Variants in SH3PXD2A observed in about 807,000 individuals in gnomAD.
SH3PXD2A encodes the protein SH3 and PX domains 2A, also known as SH3 and PX domain-containing protein 2A.
In SH3PXD2A, 32 loss-of-function variants were observed where a neutral mutation model predicts 115.2. The ratio of observed to expected loss-of-function variants is 0.28; its 90% CI spans 0.21 to 0.37. The LOEUF is 0.37. Among genes scored for constraint, SH3PXD2A ranks in the 10% least tolerant of loss-of-function variants. The pLI, the probability that SH3PXD2A is intolerant of heterozygous loss-of-function variation, is 1.00. For synonymous variants in SH3PXD2A, 610 were observed against 629.1 expected (o/e 0.97, Z 0.45); for missense variants, 1,328 against 1,498.7 (o/e 0.89, Z 1.88).
chr10:103,778,848 GGCTGTTGA>G (rs2038905798), intron 2 of SH3PXD2A, among the ~76,000 whole-genome samples: 2 of 152,146 alleles, frequency 1.3e-5, no homozygotes, highest in South Asian at 4.1e-4. Flanking sequence ...CTCATCCTAA[GGCTGTTGA>G]GCTTTGTCCC....
chr10:103,739,755 A>G (rs2038423175), intron 3 of SH3PXD2A, among the ~76,000 whole-genome samples: 1 of 152,228 alleles, frequency 6.6e-6, no homozygotes, highest in South Asian at 2.1e-4. Flanking sequence ...GGCATGAGAC[A>G]GACCTAACTC....
chr10:103,803,878 T>A (rs910827873), intron 1 of SH3PXD2A, among the ~76,000 whole-genome samples: 2 of 152,176 alleles, frequency 1.3e-5, no homozygotes, highest in African/African-American at 2.4e-5. Context: ...GGAAATACAA[T>A]ACATCAATCA....
chr10:103,617,305 T>C lies in SH3PXD2A; in HGVS notation c.812A>G (p.Tyr271Cys). 1 of 1,613,090 alleles carries C rather than the reference T, an allele frequency of 6.2e-7. No homozygotes were observed. The change falls in exon 11 of 15, where the codon TAT (tyrosine) becomes TGT (cysteine). Residue 271 changes from tyrosine (Y) to cysteine (C), a missense_variant. Physicochemically the swap from Tyr to Cys is radical, Grantham distance 194. Coordinates refer to ENST00000369774, the MANE Select transcript of SH3PXD2A (RefSeq NM_001394015.1). ...VNRQHSREEK[Y>C]VTVQPYTSQS... is the part of the protein sequence containing the mutation. ...GCTGGTGTAAGGCTGCACGGTGACATACTTCTCCTCTGGGGGTGGGAGCAA... is the reference window on the plus strand; with the variant it reads ...GCTGGTGTAAGGCTGCACGGTGACACACTTCTCCTCTGGGGGTGGGAGCAA...
chr10:103,631,788 T>C (rs2036783432), intron 8 of SH3PXD2A, among the ~76,000 whole-genome samples: 1 of 152,174 alleles, frequency 6.6e-6, no homozygotes, highest in South Asian at 2.1e-4. Context: ...TCTTGAAAGC[T>C]GAGGCTCTCA....
At chr10:103,658,181 G>A (rs1009279942) in intron 8 of SH3PXD2A, among the ~76,000 whole-genome samples, 2 of 152,182 alleles carry the variant, frequency 1.3e-5, no homozygotes, top group Middle Eastern at 3.2e-3. Flanking sequence ...AGCACAGAGG[G>A]GCTCTGATGA....
intron 1 of SH3PXD2A, 122 bp from the exon 2 acceptor site, chr10:103,801,484 G>C (rs2039146061): frequency 3.2e-6 from 2 of 633,280 alleles, no homozygotes; most frequent in Non-Finnish European, 5.8e-6. Flanking sequence ...CATCTCATCT[G>C]TCCCTAGGGG....
intron 3 of SH3PXD2A, among the ~76,000 whole-genome samples, chr10:103,747,741 G>C (rs900495776): frequency 6.6e-5 from 10 of 152,212 alleles, no homozygotes; most frequent in Non-Finnish European, 1.5e-4. Context: ...GGCCAGGCCA[G>C]CCACAGGGGA....
intron 3 of SH3PXD2A, chr10:103,754,600 G>A (rs2134209311): frequency 6.6e-6 from 1 of 152,292 alleles, no homozygotes; most frequent in Non-Finnish European, 1.5e-5. Flanking sequence ...TCTTGGAAGG[G>A]AGGGGAGAGA....
At chr10:103,661,813 G>C in intron 7 of SH3PXD2A, 6 of 985,246 alleles carry the variant, frequency 6.1e-6, no homozygotes, top group Non-Finnish European at 7.2e-6. Context: ...ATGAGGAGCC[G>C]GGGGTGGAGG....
chr10:103,834,671 T>C (rs2134308191), intron 1 of SH3PXD2A, among the ~76,000 whole-genome samples: 1 of 152,374 alleles, frequency 6.6e-6, no homozygotes. Context: ...AAGCACCTGC[T>C]GTCTCTGGTA....
At chr10:103,819,449 C>T (rs1398130596) in intron 1 of SH3PXD2A, among the ~76,000 whole-genome samples, 2 of 152,062 alleles carry the variant, frequency 1.3e-5, no homozygotes, top group Non-Finnish European at 2.9e-5. Flanking sequence ...ATGACACAGC[C>T]TGAGTTCCCT....
chr10:103,691,652 GCA>G (rs1392705184), intron 6 of SH3PXD2A, among the ~76,000 whole-genome samples: 1 of 152,028 alleles, frequency 6.6e-6, no homozygotes, highest in African/African-American at 2.4e-5. Context: ...ATAGGCAAGT[GCA>G]CACACACCTC....
At chr10:103,662,477 GCAAGCTCCGCTTC>G (rs2037326692) in intron 7 of SH3PXD2A, among the ~76,000 whole-genome samples, 1 of 132,386 alleles carries the variant, frequency 7.6e-6, no homozygotes, top group Non-Finnish European at 1.5e-5. Context: ...TCAGCTCACT[GCAAGCTCCGCTTC>G]CCGGGTTCAC....
intron 13 of SH3PXD2A, 77 bp from the exon 14 acceptor site, chr10:103,605,994 C>T (rs891539834): frequency 6.5e-7 from 1 of 1,538,316 alleles, no homozygotes; most frequent in African/African-American, 1.4e-5. Flanking sequence ...GGTCCCCACT[C>T]AGTCCCCAGG....
chr10:103,797,672 G>T (rs942974321), intron 2 of SH3PXD2A, among the ~76,000 whole-genome samples: 1 of 123,742 alleles, frequency 8.1e-6, no homozygotes, highest in African/African-American at 3.1e-5. Flanking sequence ...GAGCTTTGAA[G>T]ATAATAACCA....
At position 103,627,981 on chromosome 10, in the gene SH3PXD2A, T is replaced by A. The variant is rs2133959453; in HGVS notation, c.605-779A>T. Among the ~76,000 whole-genome samples, 1 of 152,356 alleles carries A rather than the reference T, an allele frequency of 6.6e-6. No homozygotes were observed. The highest frequency in any genetic ancestry group is 6.5e-5 in the Admixed American group (1 of 15,304). On this transcript the variant is annotated intron_variant, in intron 8 of 14. Transcript: ENST00000369774. The surrounding 1 kb of genome is among the most constrained non-coding windows in gnomAD (Gnocchi z 4.4). ...TGGTACTGATTCTCTTTTCTGCTCA[T>A]GGCCCAGTTCTCCATTTCCTGTCTG...
At chr10:103,789,170 G>C (rs2039009295) in intron 2 of SH3PXD2A, among the ~76,000 whole-genome samples, 1 of 33,460 alleles carries the variant, frequency 3.0e-5, no homozygotes, top group Admixed American at 4.6e-4. Context: ...TCGTCAGTGG[G>C]GGAGGATGGG....
intron 2 of SH3PXD2A, among the ~76,000 whole-genome samples, chr10:103,782,942 G>GC (rs1407159593): frequency 1.7e-4 from 25 of 151,502 alleles, no homozygotes; most frequent in African/African-American, 4.6e-4. Flanking sequence ...TTGGGGGGGG[G>GC]GGCTCTCTGA....
At chr10:103,825,829 T>C (rs998335016) in intron 1 of SH3PXD2A, among the ~76,000 whole-genome samples, 1 of 145,892 alleles carries the variant, frequency 6.9e-6, no homozygotes, top group Non-Finnish European at 1.5e-5. Context: ...AGTGGCGCAA[T>C]CTCAGCTCAC....
Sources: gnomAD v4.1 joint callset for allele counts (sites outside exome capture counted in the v4.1 genomes callset) on GRCh38, gnomAD v4.1.1 for gene constraint, Gnocchi (gnomAD v3.1) non-coding constraint, MANE v1.5 for transcripts, NCBI Gene and HGNC (gene_info 2026-07-23, HGNC 2026-07-21) for gene names.